Variants in FGFRL1 observed in about 807,000 individuals in gnomAD.
The protein encoded by FGFRL1 is fibroblast growth factor receptor-like 1.
In FGFRL1, 24 loss-of-function variants were observed where a neutral mutation model predicts 36.8. The observed-to-expected ratio is 0.65, with a 90% CI of 0.47 to 0.92. FGFRL1 has a LOEUF of 0.92. Among genes scored for constraint, FGFRL1 ranks in the 40% least tolerant of loss-of-function variants. The pLI, the probability that FGFRL1 is intolerant of heterozygous loss-of-function variation, is 0.00. For synonymous variants in FGFRL1, 422 were observed against 344.1 expected, an observed-to-expected ratio of 1.23 and a Z score of -2.50; for missense variants, 785 against 753.4, an observed-to-expected ratio of 1.04 and a Z score of -0.49.
intron 2 of FGFRL1, 131 bp downstream of exon 2, chr4:1,012,695 GCCCCCTTCCTT>G: frequency 2.4e-6 from 1 of 421,778 alleles, no homozygotes; most frequent in Non-Finnish European, 4.1e-6. Context: ...CGCTCGCCAG[GCCCCCTTCCTT>G]CCAGGGCCCC....
At position 1,013,908 on chromosome 4, in the gene FGFRL1, G is replaced by C. The variant is rs540775921; in HGVS notation, c.79+1344G>C. Among the ~76,000 whole-genome samples the C allele has an allele frequency of 5.2e-5, 8 of 152,404 alleles. No homozygotes were observed. The South Asian group carries it at 1.7e-3, about 32-fold the overall frequency. ...GCGGCCTTGGGGCTGAGGATATCCA[G>C]CCCTGGCTTTGCGTGGCAAAGGCCC... On this transcript the variant is annotated intron_variant, in intron 2 of 6. Transcript: ENST00000510644.
chr4:1,016,755 CTG>C (rs1262943587), intron 2 of FGFRL1, among the ~76,000 whole-genome samples: 1 of 152,086 alleles, frequency 6.6e-6, no homozygotes, highest in Non-Finnish European at 1.5e-5. Flanking sequence ...ATGTATGTGC[CTG>C]AGCGTCCCGG....
At chr4:1,012,616 C>A in intron 2 of FGFRL1, 52 bp downstream of exon 2, 1 of 857,050 alleles carries the variant, frequency 1.2e-6, no homozygotes, top group Non-Finnish European at 1.7e-6. Context: ...GCGCCGCCCC[C>A]TTCCCGCCCG....
Position 1,025,605 on chromosome 4 carries a change from A to ATGCC in FGFRL1, c.*259_*262dup. Reference sequence around the variant, plus strand: ...TACGCACACACGCACATGCACAGATATGCCGCCTGGGCACACAGATAAGCT... The same window carrying ATGCC: ...TACGCACACACGCACATGCACAGATATGCCTGCCGCCTGGGCACACAGATAAGCT... On this transcript the variant is annotated 3_prime_UTR_variant, in exon 7 of 7. Transcript: ENST00000510644. The ATGCC allele has an allele frequency of 3.6e-6, 2 of 550,676 alleles. No individual in the cohort carries two copies. Among genetic ancestry groups the ATGCC allele is most frequent in the Non-Finnish European group, 6.4e-6 (2 of 312,724 alleles). The allele number at this position is 550,676 out of a possible 1,614,324, so 34.1% of individuals were successfully genotyped here.
At chr4:1,010,323 G>T (rs1460743095), upstream of FGFRL1, among the ~76,000 whole-genome samples, 3 of 152,254 alleles carry the variant, frequency 2.0e-5, no homozygotes, top group African/African-American at 7.2e-5. Context: ...CCGTCCGAGC[G>T]CACCTCCATC....
intron 2 of FGFRL1, among the ~76,000 whole-genome samples, chr4:1,020,040 C>T (rs939421344): frequency 1.2e-4 from 18 of 152,254 alleles, no homozygotes; most frequent in African/African-American, 3.9e-4. Context: ...ATTGGGAGGC[C>T]TCCAGAGAGG....
rs568514652 is a variant in FGFRL1, at chr4:1,025,547, C to T, written c.*200C>T. 3 of 668,376 alleles carry T rather than the reference C, an allele frequency of 4.5e-6. No homozygotes were observed. The highest frequency in any genetic ancestry group is 3.6e-5 in the African/African-American group (2 of 55,254). 41.4% of individuals were successfully genotyped at this position (668,376 alleles called of 1,614,324 possible). ...CTGCCTGGATGCATGTATGCACACACATGCGCGCACACGTGCTCCCTGAAG... is the reference window on the plus strand; with the variant it reads ...CTGCCTGGATGCATGTATGCACACATATGCGCGCACACGTGCTCCCTGAAG... On this transcript the variant is annotated 3_prime_UTR_variant, in exon 7 of 7. Coordinates refer to ENST00000510644, the MANE Select transcript of FGFRL1 (RefSeq NM_001004356.3).
intron 3 of FGFRL1, among the ~76,000 whole-genome samples, chr4:1,022,727 C>G (rs555312260): frequency 2.6e-5 from 4 of 152,070 alleles, no homozygotes; most frequent in Admixed American, 1.3e-4. Context: ...GGGTGGAGGG[C>G]GGGAGCCGAA....
intron 1 of FGFRL1, chr4:1,012,198 G>A (rs1715624670): frequency 2.6e-6 from 1 of 382,660 alleles, no homozygotes; most frequent in African/African-American, 2.2e-5. Context: ...TGAGTGTTGT[G>A]TGTCCTGCGG....
intron 2 of FGFRL1, among the ~76,000 whole-genome samples, chr4:1,015,189 A>G (rs1715825211): frequency 6.6e-6 from 1 of 152,134 alleles, no homozygotes; most frequent in African/African-American, 2.4e-5. Context: ...TGCTCGGCCC[A>G]GGGTGGACTC....
chr4:1,025,670 T>G lies in FGFRL1; in HGVS notation c.*323T>G. On this transcript the variant is annotated 3_prime_UTR_variant, in exon 7 of 7. Coordinates refer to ENST00000510644, the MANE Select transcript of FGFRL1 (RefSeq NM_001004356.3). ...ACACGCACAGAGACATGCCAGAACA[T>G]ACAAGGACATGCTGCCTGAACATAC... is the stretch of plus-strand genomic sequence containing the variant. 2.3e-6 allele frequency: 1 copy of G among 436,184 alleles called. No individual in the cohort carries two copies. Among genetic ancestry groups the G allele is most frequent in the Admixed American group, 4.1e-5 (1 of 24,314 alleles). The allele number at this position is 436,184 out of a possible 1,614,324, so 27.0% of individuals were successfully genotyped here. A position where few individuals can be genotyped will look rare whatever the true frequency, so the allele number is the denominator to read the frequency against.
chr4:1,013,299 A>G (rs1715708320), intron 2 of FGFRL1, among the ~76,000 whole-genome samples: 1 of 152,258 alleles, frequency 6.6e-6, no homozygotes, highest in African/African-American at 2.4e-5. Flanking sequence ...GCCATGTTCC[A>G]GGATCCGGGC....
intron 1 of FGFRL1, 29 bp downstream of exon 1, chr4:1,011,983 C>T (rs1174646168): frequency 6.8e-6 from 1 of 146,336 alleles, no homozygotes; most frequent in African/African-American, 2.5e-5. Flanking sequence ...CGGCCGCGAC[C>T]CCAGGTGGGC....
At position 1,025,286 on chromosome 4, in the gene FGFRL1, ACT is replaced by A. The variant is rs759055320; in HGVS notation, c.1458_1459del (p.His489LeufsTer62). 48 of 1,575,608 alleles carry A rather than the reference ACT, an allele frequency of 3.0e-5. No homozygotes were observed. In the East Asian group the frequency reaches 5.1e-4, roughly 17 times the overall value. On this transcript the variant is annotated frameshift_variant, in exon 7 of 7. Transcript: ENST00000510644. LOFTEE classifies it high-confidence loss of function. Reference sequence around the variant, plus strand: ...GACATCCACACACACACACACACACACTCTCACACACACTCACACGTGGAGGG... The same window carrying A: ...GACATCCACACACACACACACACACACTCACACACACTCACACGTGGAGGG...
intron 3 of FGFRL1, among the ~76,000 whole-genome samples, chr4:1,022,758 GC>G (rs940552489): frequency 2.6e-5 from 4 of 152,182 alleles, no homozygotes; most frequent in African/African-American, 9.6e-5. Context: ...CCACAGAAGG[GC>G]TGGGGCCCGA....
intron 2 of FGFRL1, among the ~76,000 whole-genome samples, chr4:1,020,536 A>C (rs1053229260): frequency 6.7e-6 from 1 of 150,076 alleles, no homozygotes; most frequent in African/African-American, 2.5e-5. Context: ...CCGGCTTGGC[A>C]CTGCCCACTG....
chr4:1,017,875 G>A (rs1028928312), intron 2 of FGFRL1, among the ~76,000 whole-genome samples: 2 of 152,026 alleles, frequency 1.3e-5, no homozygotes, highest in Non-Finnish European at 2.9e-5. Context: ...TACCTGCCCT[G>A]GCCGGCCCCC....
rs775168543 is a variant in FGFRL1 at position 1,025,290 on chromosome 4, TCACA to T, written c.1464_1467del (p.Ser490ThrfsTer89). ...TCCACACACACACACACACACACTC[TCACA>T]CACACTCACACGTGGAGGGCAAGGT... On this transcript the variant is annotated frameshift_variant, in exon 7 of 7. Coordinates refer to ENST00000510644, the MANE Select transcript of FGFRL1 (RefSeq NM_001004356.3). LOFTEE classifies it high-confidence loss of function. 6.4e-6 allele frequency: 10 copies of T among 1,569,526 alleles called. No individual in the cohort carries two copies. Among genetic ancestry groups the T allele is most frequent in the Non-Finnish European group, 8.6e-6 (10 of 1,157,174 alleles).
chr4:1,023,657 G>C lies in FGFRL1; in HGVS notation c.369G>C (p.Gly123=). The change falls in exon 4 of 7, where the codon GGG becomes GGC. Residue 123 remains glycine, a synonymous_variant. Transcript: ENST00000510644. The surrounding 1 kb of genome is among the most constrained non-coding windows in gnomAD (Gnocchi z 6.0). The part of the protein sequence containing the change: ...TLVVLDDISP[G]KESLGPDSSS... The stretch of plus-strand genomic sequence containing the variant: ...TCTCTGCAGATGACATTAGCCCAGG[G>C]AAGGAGAGCCTGGGGCCCGACAGCT... 1.2e-6 allele frequency: 2 copies of C among 1,603,880 alleles called. No homozygotes were observed. Among genetic ancestry groups the C allele is most frequent in the South Asian group, 2.2e-5 (2 of 89,366 alleles).
Sources: allele counts gnomAD v4.1 joint callset (sites outside exome capture counted in the v4.1 genomes callset), GRCh38; gene constraint gnomAD v4.1.1; non-coding constraint Gnocchi (gnomAD v3.1); transcripts MANE v1.5; gene names NCBI Gene and HGNC (gene_info 2026-07-23, HGNC 2026-07-21).